Variants in TMEM218 observed in about 807,000 individuals in gnomAD.
TMEM218 encodes transmembrane protein 218.
TMEM218 carries 8 observed loss-of-function variants against 10.0 expected under a neutral mutation model. That is an observed-to-expected ratio of 0.80 (90% confidence interval 0.47 to 1.44). The LOEUF (loss-of-function observed/expected upper bound fraction) is 1.44. Among genes scored for constraint, TMEM218 ranks in the 40% most tolerant of loss-of-function variants. The pLI is 0.00. For missense variants in TMEM218, 110 were observed against 140.1 expected (o/e 0.79, Z 1.08); for synonymous variants, 66 against 63.5 (o/e 1.04, Z -0.18).
Position 125,101,307 on chromosome 11 carries a change from G to C in TMEM218, c.111-4C>G. On this transcript the variant is annotated splice_polypyrimidine_tract_variant and splice_region_variant and intron_variant, in intron 3 of 4. Coordinates refer to ENST00000682305, the MANE Select transcript of TMEM218 (RefSeq NM_001258244.2). ...GAATAAAAAAATGACAGAGAACCTG[G>C]GGTTAAAAAGACAAATTATTAAAAG... is the stretch of plus-strand genomic sequence containing the variant. 6.2e-7 allele frequency: 1 copy of C among 1,609,984 alleles called. No homozygotes were observed. Among genetic ancestry groups the C allele is most frequent in the Non-Finnish European group, 8.5e-7 (1 of 1,177,248 alleles).
intron 1 of TMEM218, among the ~76,000 whole-genome samples, chr11:125,109,216 G>A (rs575014019): frequency 2.7e-5 from 3 of 113,034 alleles, no homozygotes; most frequent in African/African-American, 1.1e-4. Context: ...ACAAAAACAA[G>A]TTGCAAAATG....
rs746821716 is a variant in TMEM218, at chr11:125,102,280, C to T, written c.-39G>A. On this transcript the variant is annotated 5_prime_UTR_variant, in exon 3 of 5. Coordinates refer to ENST00000682305, the MANE Select transcript of TMEM218 (RefSeq NM_001258244.2). Reference sequence around the variant, plus strand: ...AGCGGCGGCCCCCCGCCCTGCGCGCCGCACGATCGAGTGTCCTCTGTGCTC... The same window carrying T: ...AGCGGCGGCCCCCCGCCCTGCGCGCTGCACGATCGAGTGTCCTCTGTGCTC... The T allele has an allele frequency of 4.9e-5, 78 of 1,598,750 alleles. 1 individual carries two copies. In the Admixed American group the frequency reaches 1.2e-3, roughly 24 times the overall value.
chr11:125,106,257 A>G (rs556120797), intron 1 of TMEM218, among the ~76,000 whole-genome samples: 1 of 152,314 alleles, frequency 6.6e-6, no homozygotes, highest in East Asian at 1.9e-4. Flanking sequence ...CAGTTGAAAA[A>G]AAACCAAGTG....
At chr11:125,098,738 A>G (rs1950117699) in intron 4 of TMEM218, among the ~76,000 whole-genome samples, 1 of 152,216 alleles carries the variant, frequency 6.6e-6, no homozygotes, top group Non-Finnish European at 1.5e-5. Context: ...AACAAGGGGT[A>G]TTAATCTGGA....
intron 1 of TMEM218, chr11:125,103,841 G>A (rs1951461595): frequency 6.6e-6 from 1 of 152,038 alleles, no homozygotes; most frequent in African/African-American, 2.4e-5. Context: ...TACCCTTATG[G>A]TTTAAATACC....
At chr11:125,097,949 G>A (rs1949929474) in intron 4 of TMEM218, among the ~76,000 whole-genome samples, 2 of 152,172 alleles carry the variant, frequency 1.3e-5, no homozygotes, top group Admixed American at 1.3e-4. Flanking sequence ...ATGAGGGACA[G>A]GGAACAAATG....
intron 4 of TMEM218, among the ~76,000 whole-genome samples, chr11:125,098,519 C>T (rs1159749567): frequency 6.6e-6 from 1 of 152,122 alleles, no homozygotes; most frequent in African/African-American, 2.4e-5. Flanking sequence ...ATCTATAGAC[C>T]TAATGGAGCA....
intron 4 of TMEM218, among the ~76,000 whole-genome samples, chr11:125,100,353 G>A (rs1406134884): frequency 6.6e-6 from 1 of 152,120 alleles, no homozygotes; most frequent in African/African-American, 2.4e-5. Context: ...TATAAAATGG[G>A]GATAATAATG....
intron 1 of TMEM218, among the ~76,000 whole-genome samples, chr11:125,110,066 G>C (rs1404808147): frequency 6.6e-6 from 1 of 152,224 alleles, no homozygotes; most frequent in African/African-American, 2.4e-5. Context: ...AAGAAGGGCT[G>C]GGTATAGTAT....
In TMEM218 at chr11:125,095,226, T is replaced by C. The variant is rs557463532; in HGVS notation, c.*2380A>G. Reference sequence around the variant, plus strand: ...CTCTCCCTCTCCACCTTCTAAACAGTGGGGATCACCAGTCTGCCACAGGAT... The same window carrying C: ...CTCTCCCTCTCCACCTTCTAAACAGCGGGGATCACCAGTCTGCCACAGGAT... On this transcript the variant is annotated 3_prime_UTR_variant, in exon 5 of 5. Coordinates refer to ENST00000682305, the MANE Select transcript of TMEM218 (RefSeq NM_001258244.2). 6.6e-6 allele frequency among the ~76,000 whole-genome samples: 1 copy of C among 152,162 alleles called. No individual in the cohort carries two copies. Among genetic ancestry groups the C allele is most frequent in the African/African-American group, 2.4e-5 (1 of 41,444 alleles).
At chr11:125,097,848 TC>T in intron 4 of TMEM218, 108 bp from the exon 5 acceptor site, 1 of 997,792 alleles carries the variant, frequency 1.0e-6, no homozygotes, top group Non-Finnish European at 1.5e-6. Flanking sequence ...GTGTATAACT[TC>T]CAGTAACATC....
At chr11:125,110,457 T>G (rs1446024311) in intron 1 of TMEM218, 1 of 152,224 alleles carries the variant, frequency 6.6e-6, no homozygotes, top group Non-Finnish European at 1.5e-5. Context: ...ACCTTTTAGA[T>G]GTGTGTGTTC....
At chr11:125,102,896 C>A in intron 1 of TMEM218, 87 bp from the exon 2 acceptor site, 1 of 352,890 alleles carries the variant, frequency 2.8e-6, no homozygotes, top group East Asian at 7.6e-5. Context: ...AATCCCGGAG[C>A]GAAGCTTCTG....
rs1455978065 is a variant in TMEM218 at position 125,095,985 on chromosome 11, G to GC, written c.*1620dup. Among the ~76,000 whole-genome samples, 1 of 152,120 alleles carries GC rather than the reference G, an allele frequency of 6.6e-6. No homozygotes were observed. Among genetic ancestry groups the GC allele is most frequent in the Non-Finnish European group, 1.5e-5 (1 of 68,020 alleles). On this transcript the variant is annotated 3_prime_UTR_variant, in exon 5 of 5. Transcript: ENST00000682305. Reference sequence around the variant, plus strand: ...GCAGGGAGACTCACAATAGCATGAGGCCCCCAGCTTGTCTCAATTCCCTCA... The same window carrying GC: ...GCAGGGAGACTCACAATAGCATGAGGCCCCCCAGCTTGTCTCAATTCCCTCA...
In TMEM218 at chr11:125,107,066, A is replaced by G. The variant is rs145233324; in HGVS notation, c.-152-4257T>C. On this transcript the variant is annotated intron_variant, in intron 1 of 4. Coordinates refer to ENST00000682305, the MANE Select transcript of TMEM218 (RefSeq NM_001258244.2). ...ATACTCAACAATGTGGATGAATTTC[A>G]CAAATATTAAATGAAAAAAGCTAGA... Among the ~76,000 whole-genome samples, 338 of 152,336 alleles carry G rather than the reference A, an allele frequency of 2.2e-3. 1 individual carries two copies. Among genetic ancestry groups the G allele is most frequent in the African/African-American group, 7.9e-3 (327 of 41,586 alleles).
chr11:125,102,285 G>T lies in TMEM218; in HGVS notation c.-44C>A. ...CGGCCCCCCGCCCTGCGCGCCGCAC[G>T]ATCGAGTGTCCTCTGTGCTCCAGTG... is the stretch of plus-strand genomic sequence containing the variant. On this transcript the variant is annotated 5_prime_UTR_variant, in exon 3 of 5. Transcript: ENST00000682305. 6.3e-7 allele frequency: 1 copy of T among 1,595,822 alleles called. No individual in the cohort carries two copies.
Position 125,108,983 on chromosome 11 carries a change from ATCT to A in TMEM218, c.-153+2553_-153+2555del, listed in dbSNP as rs1489940499. Among the ~76,000 whole-genome samples the A allele has an allele frequency of 3.3e-5, 5 of 152,220 alleles. No homozygotes were observed. Among genetic ancestry groups the A allele is most frequent in the Non-Finnish European group, 7.4e-5 (5 of 68,024 alleles). ...AAAACACCCTAAAACGGGCAGCAAC[ATCT>A]TCTTGGGGAACCACTGTTCTAGACA... is the stretch of plus-strand genomic sequence containing the variant. On this transcript the variant is annotated intron_variant, in intron 1 of 4. Coordinates refer to ENST00000682305, the MANE Select transcript of TMEM218 (RefSeq NM_001258244.2). This position sits in a 1 kb window ranked among gnomAD's most constrained non-coding sequence, Gnocchi z 5.3.
chr11:125,102,077 C>T (rs895822512), intron 3 of TMEM218, 55 bp downstream of exon 3: 18 of 1,470,798 alleles, frequency 1.2e-5, no homozygotes, highest in Middle Eastern at 2.5e-4. Context: ...TGAGCATCAG[C>T]GATTTTGCCT....
intron 4 of TMEM218, among the ~76,000 whole-genome samples, chr11:125,100,728 A>C (rs1403785979): frequency 2.0e-5 from 3 of 152,188 alleles, no homozygotes; most frequent in African/African-American, 4.8e-5. Context: ...ACTGTTGGGA[A>C]AATTCTAGCA....
Sources: gnomAD v4.1 joint callset for allele counts (sites outside exome capture counted in the v4.1 genomes callset) on GRCh38, gnomAD v4.1.1 for gene constraint, Gnocchi (gnomAD v3.1) non-coding constraint, MANE v1.5 for transcripts, NCBI Gene and HGNC (gene_info 2026-07-23, HGNC 2026-07-21) for gene names.